Variants in GABRB1 observed in about 807,000 individuals in gnomAD.
The protein encoded by GABRB1 is gamma-aminobutyric acid type A receptor subunit beta1.
Under a neutral mutation model 51.6 loss-of-function variants are expected in GABRB1, and 17 were observed. The ratio of observed to expected loss-of-function variants is 0.33; its 90% confidence interval spans 0.23 to 0.49. The LOEUF (loss-of-function observed/expected upper bound fraction) is 0.49, where lower values mean the gene tolerates loss of function less well. Among genes scored for constraint, GABRB1 ranks in the 20% least tolerant of loss-of-function variants. The pLI is 0.99. For missense variants in GABRB1, 410 were observed against 600.6 expected (o/e 0.68, Z 3.32); for synonymous variants, 247 against 218.9 (o/e 1.13, Z -1.14).
At chr4:47,317,579 A>T (rs1399727029) in intron 4 of GABRB1, among the ~76,000 whole-genome samples, 1 of 151,990 alleles carries the variant, frequency 6.6e-6, no homozygotes, top group Non-Finnish European at 1.5e-5. Flanking sequence ...TTGAAAAAAA[A>T]TTTAATTAAA....
chr4:47,232,507 T>C (rs908120919), intron 4 of GABRB1, among the ~76,000 whole-genome samples: 1 of 152,174 alleles, frequency 6.6e-6, no homozygotes, highest in African/African-American at 2.4e-5. Context: ...CTTTTGTGAC[T>C]TTTAAAAGTA....
chr4:47,236,233 A>G (rs1721328495), intron 4 of GABRB1, among the ~76,000 whole-genome samples: 1 of 152,170 alleles, frequency 6.6e-6, no homozygotes. Context: ...TCAAGCTTTA[A>G]CATCATTTAT....
At chr4:47,206,044 G>T (rs1244407446) in intron 4 of GABRB1, among the ~76,000 whole-genome samples, 1 of 149,404 alleles carries the variant, frequency 6.7e-6, no homozygotes, top group Non-Finnish European at 1.5e-5. Flanking sequence ...TTGAGCCATA[G>T]GTTCACAGGA....
chr4:47,134,948 C>T (rs1042350579), intron 3 of GABRB1, among the ~76,000 whole-genome samples: 7 of 152,042 alleles, frequency 4.6e-5, no homozygotes, highest in East Asian at 3.9e-4. Flanking sequence ...GAGACTTCAT[C>T]GCTACTTAAA....
At chr4:47,105,973 G>A (rs1245029215) in intron 3 of GABRB1, among the ~76,000 whole-genome samples, 1 of 152,052 alleles carries the variant, frequency 6.6e-6, no homozygotes, top group African/African-American at 2.4e-5. Flanking sequence ...CCATAGGTAA[G>A]CAAGTATTCA....
intron 3 of GABRB1, among the ~76,000 whole-genome samples, chr4:47,125,559 C>CTTTTTTTCTTTTT (rs1716085677): frequency 2.5e-5 from 2 of 80,696 alleles, no homozygotes; most frequent in Admixed American, 2.2e-4. Flanking sequence ...AGTATAATTT[C>CTTTTTTTCTTTTT]TTTTTTTTTT....
intron 3 of GABRB1, among the ~76,000 whole-genome samples, chr4:47,083,397 T>C (rs1018972227): frequency 2.6e-5 from 4 of 152,202 alleles, no homozygotes; most frequent in South Asian, 2.1e-4. Flanking sequence ...GCAAAGCTTA[T>C]CTGAAATTCT....
intron 4 of GABRB1, among the ~76,000 whole-genome samples, chr4:47,319,514 A>C (rs998371414): frequency 1.8e-4 from 27 of 152,182 alleles, no homozygotes; most frequent in African/African-American, 6.5e-4. Flanking sequence ...TTGCATATCC[A>C]TCCTAGCATC....
At chr4:47,107,840 G>T (rs1017428181) in intron 3 of GABRB1, among the ~76,000 whole-genome samples, 1 of 152,000 alleles carries the variant, frequency 6.6e-6, no homozygotes, top group Non-Finnish European at 1.5e-5. Context: ...AAACTTAAAA[G>T]AGCTCATATT....
chr4:47,209,487 T>A (rs573426266), intron 4 of GABRB1, among the ~76,000 whole-genome samples: 2 of 152,288 alleles, frequency 1.3e-5, no homozygotes, highest in South Asian at 4.1e-4. Context: ...GTAAATCATA[T>A]CCTCTGACAT....
intron 3 of GABRB1, among the ~76,000 whole-genome samples, chr4:47,065,694 C>T (rs1400495425): frequency 6.6e-6 from 1 of 152,084 alleles, no homozygotes; most frequent in African/African-American, 2.4e-5. Context: ...GTAAATAACT[C>T]CTGCAAATTG....
At chr4:46,995,865 T>C (rs1001528821) in intron 1 of GABRB1, among the ~76,000 whole-genome samples, 1 of 152,196 alleles carries the variant, frequency 6.6e-6, no homozygotes, top group African/African-American at 2.4e-5. Flanking sequence ...AAGAACATTC[T>C]TTCAGAGTAG....
At chr4:47,211,087 T>C (rs1371605314) in intron 4 of GABRB1, among the ~76,000 whole-genome samples, 2 of 152,222 alleles carry the variant, frequency 1.3e-5, no homozygotes, top group Admixed American at 1.3e-4. Context: ...CTGACATGTC[T>C]GTGCTTGGGC....
At chr4:47,194,043 C>T (rs927569877) in intron 4 of GABRB1, among the ~76,000 whole-genome samples, 1 of 152,150 alleles carries the variant, frequency 6.6e-6, no homozygotes, top group African/African-American at 2.4e-5. Context: ...CCCTGCTTCT[C>T]TTTAAATTTT....
chr4:47,235,094 T>G (rs1255518915), intron 4 of GABRB1, among the ~76,000 whole-genome samples: 1 of 152,198 alleles, frequency 6.6e-6, no homozygotes, highest in Non-Finnish European at 1.5e-5. Context: ...TACCACAACT[T>G]TATCTAGATC....
chr4:47,100,592 C>A (rs1714678847), intron 3 of GABRB1, among the ~76,000 whole-genome samples: 1 of 151,930 alleles, frequency 6.6e-6, no homozygotes, highest in African/African-American at 2.4e-5. Flanking sequence ...TTCTCTCCTA[C>A]CACAGAATTC....
chr4:47,162,425 A>G (rs1447789640), intron 4 of GABRB1, among the ~76,000 whole-genome samples: 1 of 152,004 alleles, frequency 6.6e-6, no homozygotes, highest in Non-Finnish European at 1.5e-5. Context: ...AAGAATATAT[A>G]AAAAGTTGAT....
intron 4 of GABRB1, among the ~76,000 whole-genome samples, chr4:47,297,350 A>C (rs1430056569): frequency 8.0e-6 from 1 of 125,574 alleles, no homozygotes; most frequent in Non-Finnish European, 1.7e-5. Context: ...AACAAAATTG[A>C]TAGACCGCTA....
At chr4:47,375,885 G>T (rs1388331992) in intron 5 of GABRB1, among the ~76,000 whole-genome samples, 1 of 152,198 alleles carries the variant, frequency 6.6e-6, no homozygotes, top group African/African-American at 2.4e-5. Context: ...GCGGATGATA[G>T]ATCCATGAGC....
Sources: allele counts gnomAD v4.1 joint callset (sites outside exome capture counted in the v4.1 genomes callset), GRCh38; gene constraint gnomAD v4.1.1; transcripts MANE v1.5; gene names NCBI Gene and HGNC (gene_info 2026-07-23, HGNC 2026-07-21).